The following MMP26 variants were observed in gnomAD, a reference collection of about 807,000 sequenced individuals.
MMP26 encodes the protein matrix metallopeptidase 26.
In MMP26, 33 loss-of-function variants were observed where a neutral mutation model predicts 31.0. The ratio of observed to expected loss-of-function variants is 1.06; its 90% CI spans 0.81 to 1.42. The LOEUF is 1.42. MMP26 is among the 40% of genes most tolerant of loss of function. MMP26 has a pLI of 0.00. For missense variants in MMP26, 347 were observed against 316.1 expected (o/e 1.10, Z -0.74); for synonymous variants, 122 against 114.9 (o/e 1.06, Z -0.40).
chr11:4,820,454 A>G (rs1849479598), intron 2 of MMP26, among the ~76,000 whole-genome samples: 1 of 151,968 alleles, frequency 6.6e-6, no homozygotes, highest in Non-Finnish European at 1.5e-5. Context: ...TGCTTAATTT[A>G]TTGTAGTAAA....
At chr11:4,972,767 A>G (rs1053621432) in intron 2 of MMP26, among the ~76,000 whole-genome samples, 3 of 152,226 alleles carry the variant, frequency 2.0e-5, no homozygotes, top group Admixed American at 6.5e-5. Flanking sequence ...TTTTATTTAC[A>G]TAAGAGTCCC....
chr11:4,974,299 A>G (rs1025586964), intron 2 of MMP26, among the ~76,000 whole-genome samples: 1 of 146,222 alleles, frequency 6.8e-6, no homozygotes, highest in Non-Finnish European at 1.5e-5. Flanking sequence ...ATTCAGCTGA[A>G]AAAAAAGGTC....
At chr11:4,775,321 T>G (rs1049035426) in intron 2 of MMP26, among the ~76,000 whole-genome samples, 5 of 152,174 alleles carry the variant, frequency 3.3e-5, no homozygotes, top group African/African-American at 1.2e-4. Context: ...GGTTTGTAGT[T>G]CTCCTTGAAG....
At chr11:4,824,100 G>C (rs1849549248) in intron 2 of MMP26, among the ~76,000 whole-genome samples, 1 of 152,050 alleles carries the variant, frequency 6.6e-6, no homozygotes, top group Admixed American at 6.6e-5. Flanking sequence ...TTACATACTG[G>C]TAGTAGCATT....
At chr11:4,848,543 G>T (rs1849916033) in intron 2 of MMP26, 3 of 1,612,704 alleles carry the variant, frequency 1.9e-6, no homozygotes, top group Non-Finnish European at 2.5e-6. Flanking sequence ...CATAGGAGAA[G>T]AAAATAAGCA....
In MMP26 at chr11:4,953,379, T is replaced by C. The variant is rs533949456; in HGVS notation, c.-144-34689T>C. Among the ~76,000 whole-genome samples the C allele has an allele frequency of 1.7e-3, 213 of 124,782 alleles. 37 individuals are homozygous for C. Among genetic ancestry groups the C allele is most frequent in the African/African-American group, 5.6e-3 (208 of 36,830 alleles). The allele number at this position is 124,782 out of a possible 152,430, so 81.9% of individuals were successfully genotyped here. A position where few individuals can be genotyped will look rare whatever the true frequency, so the allele number is the denominator to read the frequency against. The stretch of plus-strand genomic sequence containing the variant: ...AAAATAGATAGGTTTCTTCAATCGC[T>C]CATAATACACTTTATTCAAGAAGTA... On this transcript the variant is annotated intron_variant, in intron 2 of 7. Coordinates refer to ENST00000380390, the MANE Select transcript of MMP26 (RefSeq NM_021801.5).
At chr11:4,801,897 A>G (rs1849188944) in intron 2 of MMP26, among the ~76,000 whole-genome samples, 1 of 151,854 alleles carries the variant, frequency 6.6e-6, no homozygotes, top group South Asian at 2.1e-4. Flanking sequence ...CTCACTCATC[A>G]CCAAGGAGAT....
chr11:4,918,549 G>C (rs1851132896), intron 2 of MMP26, among the ~76,000 whole-genome samples: 1 of 152,104 alleles, frequency 6.6e-6, no homozygotes, highest in Non-Finnish European at 1.5e-5. Flanking sequence ...CCTTTAGCCA[G>C]TTCGCCAGAG....
rs186167529 is a variant in MMP26 at position 4,943,885 on chromosome 11, C to G, written c.-144-44183C>G. On this transcript the variant is annotated intron_variant, in intron 2 of 7. Transcript: ENST00000380390. ...CAAAAACCCCTAAAATACAGATGAT[C>G]TTTGATACTCTTTTATGTGACATCT... The G allele has an allele frequency of 6.7e-5, 30 of 445,520 alleles. 1 individual carries two copies. In the Middle Eastern group the frequency reaches 6.7e-3, roughly 100 times the overall value. The allele number at this position is 445,520 out of a possible 1,614,324, so 27.6% of individuals were successfully genotyped here.
intron 1 of MMP26, among the ~76,000 whole-genome samples, chr11:4,740,714 CT>C (rs1848301747): frequency 6.6e-6 from 1 of 150,844 alleles, no homozygotes; most frequent in Admixed American, 6.6e-5. Flanking sequence ...TATATTTTGG[CT>C]TTGGACATCT....
intron 1 of MMP26, among the ~76,000 whole-genome samples, chr11:4,761,730 G>A (rs901638242): frequency 4.1e-4 from 62 of 152,246 alleles, no homozygotes; most frequent in African/African-American, 1.4e-3. Flanking sequence ...TATGTTTCTT[G>A]TAAATAATGT....
At chr11:4,983,209 T>C (rs1316206789) in intron 2 of MMP26, among the ~76,000 whole-genome samples, 2 of 152,204 alleles carry the variant, frequency 1.3e-5, no homozygotes, top group African/African-American at 4.8e-5. Context: ...GGTTCTGTGC[T>C]GTACTGGGGC....
At chr11:4,917,658 A>G (rs1272368652) in intron 2 of MMP26, among the ~76,000 whole-genome samples, 1 of 152,180 alleles carries the variant, frequency 6.6e-6, no homozygotes. Context: ...ACCACATTAC[A>G]TATCAAAGTG....
chr11:4,710,160 A>G (rs1454137890), intron 1 of MMP26: 1 of 456,760 alleles, frequency 2.2e-6, no homozygotes, highest in Non-Finnish European at 4.4e-6. Context: ...ATGGATCAAC[A>G]GTGCATTTGG....
At chr11:4,861,260 T>C (rs1359662596) in intron 2 of MMP26, among the ~76,000 whole-genome samples, 1 of 150,300 alleles carries the variant, frequency 6.7e-6, no homozygotes, top group Non-Finnish European at 1.5e-5. Context: ...AGTTTATACA[T>C]ATAGATACAT....
rs111741316 is a variant in MMP26 at position 4,947,158 on chromosome 11, A to C, written c.-144-40910A>C. 2,570 of 1,030,780 alleles carry C rather than the reference A, an allele frequency of 2.5e-3. 343 individuals carry two copies. The highest frequency in any genetic ancestry group is 2.4e-3 in the Non-Finnish European group (1,767 of 723,080). 63.9% of individuals were successfully genotyped at this position (1,030,780 alleles called of 1,614,324 possible). A position where few individuals can be genotyped will look rare whatever the true frequency, so the allele number is the denominator to read the frequency against. On this transcript the variant is annotated intron_variant, in intron 2 of 7. Coordinates refer to ENST00000380390, the MANE Select transcript of MMP26 (RefSeq NM_021801.5). The stretch of plus-strand genomic sequence containing the variant: ...CAGATGCTTGTGTTGGTAAAATAGG[A>C]ATATCTGTAAATTTAGTAGAAAAAA...
At chr11:4,860,487 G>T (rs1338928766) in intron 2 of MMP26, 9 of 471,000 alleles carry the variant, frequency 1.9e-5, no homozygotes, top group Non-Finnish European at 4.0e-5. Flanking sequence ...CCAACCATGG[G>T]TTCTTGTCTG....
rs1358411183 is a variant in MMP26, at chr11:4,797,054, A to G, written c.-145+29713A>G. Among the ~76,000 whole-genome samples, 4 of 151,990 alleles carry G rather than the reference A, an allele frequency of 2.6e-5. No individual in the cohort carries two copies. The East Asian group carries it at 7.7e-4, about 29-fold the overall frequency. On this transcript the variant is annotated intron_variant, in intron 2 of 7. Transcript: ENST00000380390. ...TTAGAACACAGCTTTCATCATTCAC[A>G]TATTTATTCATGTAACAAATAAACT...
At chr11:4,962,791 T>C (rs146877463) in intron 2 of MMP26, among the ~76,000 whole-genome samples, 485 of 152,246 alleles carry the variant, frequency 3.2e-3, no homozygotes, top group African/African-American at 8.8e-3. Context: ...TTTAATCACT[T>C]GGAGAACAGA....
Sources: allele counts gnomAD v4.1 joint callset (sites outside exome capture counted in the v4.1 genomes callset), GRCh38; gene constraint gnomAD v4.1.1; transcripts MANE v1.5; gene names NCBI Gene and HGNC (gene_info 2026-07-23, HGNC 2026-07-21).